Variants in CHMP2A observed in about 807,000 individuals in gnomAD.
The protein encoded by CHMP2A is VPS2 homolog A.
A neutral mutation model predicts 21.8 loss-of-function variants in CHMP2A; 6 were observed. The observed-to-expected ratio is 0.28, with a 90% CI of 0.15 to 0.54. The LOEUF (loss-of-function observed/expected upper bound fraction) is 0.54, where lower values mean the gene tolerates loss of function less well. CHMP2A is among the 20% of genes least tolerant of loss of function. The pLI is 0.95. For missense variants in CHMP2A, 303 were observed against 293.9 expected (o/e 1.03, Z -0.23); for synonymous variants, 125 against 107.0 (o/e 1.17, Z -1.04).
intron 2 of CHMP2A, 161 bp downstream of exon 2, chr19:58,553,884 T>A (rs572680231): frequency 1.6e-5 from 14 of 857,536 alleles, no homozygotes; most frequent in South Asian, 1.6e-4. Context: ...TACCAGTTCC[T>A]TGGAGGCAGC....
intron 3 of CHMP2A, 29 bp from the exon 4 acceptor site, chr19:58,552,214 C>T (rs1324777323): frequency 6.2e-7 from 1 of 1,614,036 alleles, no homozygotes; most frequent in Non-Finnish European, 8.5e-7. Context: ...TGAGTGTGAT[C>T]CCCATGGGTC....
At chr19:58,553,935 A>G in intron 2 of CHMP2A, 110 bp downstream of exon 2, 1 of 1,415,836 alleles carries the variant, frequency 7.1e-7, no homozygotes, top group Non-Finnish European at 9.8e-7. Context: ...CTGACCTTTC[A>G]CTCCACTCGT....
At chr19:58,552,498 A>G (rs1600087594) in intron 2 of CHMP2A, 60 bp from the exon 3 acceptor site, 3 of 1,529,242 alleles carry the variant, frequency 2.0e-6, no homozygotes, top group East Asian at 2.3e-5. Context: ...ACTTCTTGAC[A>G]CCCCATTAGT....
chr19:58,551,736 A>G lies in CHMP2A; in HGVS notation c.582T>C (p.Gly194=), dbSNP rs1196922151. ...AGGCTGCGGCCTCTGCTTTTTTCCC[A>G]CCAGCAGCCACACTAAGCGAGCCCC... is the stretch of plus-strand genomic sequence containing the variant. ...STGGSLSVAA[G]GKKAEAAASA... is the part of the protein sequence containing the mutation. Residue 194 remains glycine (G), a synonymous_variant, in exon 6 of 6, where the codon GGT becomes GGC. Coordinates refer to ENST00000312547, the MANE Select transcript of CHMP2A (RefSeq NM_014453.4). The G allele has an allele frequency of 6.2e-7, 1 of 1,613,662 alleles. No homozygotes were observed. The highest frequency in any genetic ancestry group is 1.1e-5 in the South Asian group (1 of 91,044).
rs1429593090 is a variant in CHMP2A, at chr19:58,551,678, C to T, written c.640G>A (p.Glu214Lys). The change falls in exon 6 of 6, where the codon GAA becomes AAA. Residue 214 changes from glutamate (E) to lysine (K), a missense_variant. Glu to Lys is a moderately conservative substitution (Grantham distance 56). Transcript: ENST00000312547. Reference protein sequence around the residue: ...ALADADADLEERLKNLRRD With the variant: ...ALADADADLEKRLKNLRRD The stretch of plus-strand genomic sequence containing the variant: ...TCCCTCCGCAGGTTCTTAAGCCGTT[C>T]CTCCAGGTCTGCATCAGCATCAGCT... 1 of 1,614,062 alleles carries T rather than the reference C, an allele frequency of 6.2e-7. No individual in the cohort carries two copies. The highest frequency in any genetic ancestry group is 8.5e-7 in the Non-Finnish European group (1 of 1,180,022).
Position 58,554,136 on chromosome 19 carries a change from A to G in CHMP2A, c.77T>C (p.Met26Thr), listed in dbSNP as rs1023876786. Residue 26 changes from methionine (M) to threonine (T), a missense_variant, in exon 2 of 6, where the codon ATG (methionine) becomes ACG (threonine). By Grantham distance (81) the Met-to-Thr change is moderately conservative. Transcript: ENST00000312547. The part of the protein sequence containing the change: ...RQNQRALNRA[M>T]RELDRERQKL... ...CTGTCGCTCGCGGTCCAGCTCCCGC[A>G]TGGCACGGTTCAGGGCCCTCTGGTT... The G allele has an allele frequency of 6.2e-7, 1 of 1,614,122 alleles. No homozygotes were observed. The highest frequency in any genetic ancestry group is 2.2e-5 in the East Asian group (1 of 44,888).
chr19:58,552,003 C>G (rs774039368), intron 4 of CHMP2A, 36 bp from the exon 5 acceptor site: 1 of 1,614,078 alleles, frequency 6.2e-7, no homozygotes, highest in Non-Finnish European at 8.5e-7. Context: ...GGGCTATGCA[C>G]TCCGTGAGGG....
chr19:58,551,601 G>T lies in CHMP2A; in HGVS notation c.*48C>A. 6.3e-7 allele frequency: 1 copy of T among 1,591,482 alleles called. No individual in the cohort carries two copies. The highest frequency in any genetic ancestry group is 8.6e-7 in the Non-Finnish European group (1 of 1,163,816). On this transcript the variant is annotated 3_prime_UTR_variant, in exon 6 of 6. Transcript: ENST00000312547. ...TCTCTTTTATTACAGAGGGGTTGTGGTAAAAGATCCTGGGCATCCACTGGT... is the reference window on the plus strand; with the variant it reads ...TCTCTTTTATTACAGAGGGGTTGTGTTAAAAGATCCTGGGCATCCACTGGT...
chr19:58,554,975 A>C lies in CHMP2A; in HGVS notation c.-25+13T>G, dbSNP rs1359653031. 6.6e-6 allele frequency: 1 copy of C among 152,258 alleles called. No homozygotes were observed. The highest frequency in any genetic ancestry group is 1.9e-4 in the East Asian group (1 of 5,186). The allele number at this position is 152,258 out of a possible 1,614,324, so 9.4% of individuals were successfully genotyped here. A position where few individuals can be genotyped will look rare whatever the true frequency, so the allele number is the denominator to read the frequency against. On this transcript the variant is annotated intron_variant, in intron 1 of 5. Coordinates refer to ENST00000312547, the MANE Select transcript of CHMP2A (RefSeq NM_014453.4). ...GCCCGCCCGGGATCCACGGTCCAGC[A>C]GGGGCCACTCACCGGAGCTGGGACG...
chr19:58,554,425 G>A lies in CHMP2A; in HGVS notation c.-24-189C>T. ...GGGGACACATAAAGGGGGACAGGTA[G>A]ACCTGAAAATTATCCAAGTGCTGGC... On this transcript the variant is annotated intron_variant, in intron 1 of 5. Coordinates refer to ENST00000312547, the MANE Select transcript of CHMP2A (RefSeq NM_014453.4). 5.4e-6 allele frequency: 3 copies of A among 558,982 alleles called. No homozygotes were observed. The South Asian group carries it at 7.5e-5, about 14-fold the overall frequency. 34.6% of individuals were successfully genotyped at this position (558,982 alleles called of 1,614,324 possible). A position where few individuals can be genotyped will look rare whatever the true frequency, so the allele number is the denominator to read the frequency against.
chr19:58,551,691 A>G lies in CHMP2A; in HGVS notation c.627T>C (p.Asp209=). 1 of 1,614,130 alleles carries G rather than the reference A, an allele frequency of 6.2e-7. No individual in the cohort carries two copies. Among genetic ancestry groups the G allele is most frequent in the Non-Finnish European group, 8.5e-7 (1 of 1,180,028 alleles). The change falls in exon 6 of 6, where the codon GAT becomes GAC. Residue 209 remains aspartate (D), a synonymous_variant. Transcript: ENST00000312547. ...EAAASALADA[D]ADLEERLKNL... ...TCTTAAGCCGTTCCTCCAGGTCTGC[A>G]TCAGCATCAGCTAGGGCTGAGGCTG...
intron 1 of CHMP2A, 101 bp from the exon 2 acceptor site, chr19:58,554,337 A>G: frequency 9.3e-7 from 1 of 1,076,446 alleles, no homozygotes; most frequent in South Asian, 1.6e-5. Flanking sequence ...GAAGGGGCTA[A>G]CGGAGACTGG....
intron 2 of CHMP2A, among the ~76,000 whole-genome samples, chr19:58,552,897 A>G (rs1161427978): frequency 6.6e-6 from 1 of 152,086 alleles, no homozygotes; most frequent in Non-Finnish European, 1.5e-5. Context: ...TTTCCTCTCC[A>G]AACATCTTTC....
intron 2 of CHMP2A, chr19:58,553,698 T>G (rs1473288175): frequency 2.1e-5 from 7 of 325,620 alleles, no homozygotes; most frequent in Non-Finnish European, 4.1e-5. Flanking sequence ...CCTTCCAACT[T>G]AGCTCCCACT....
chr19:58,552,507 G>A (rs2053844442), intron 2 of CHMP2A, 69 bp from the exon 3 acceptor site: 1 of 1,485,808 alleles, frequency 6.7e-7, no homozygotes, highest in Non-Finnish European at 9.2e-7. Context: ...CACCCCATTA[G>A]TTGGTTGTCC....
rs777196046 is a variant in CHMP2A, at chr19:58,552,217, C to T, written c.349-32G>A. 14 of 1,614,058 alleles carry T rather than the reference C, an allele frequency of 8.7e-6. No individual in the cohort carries two copies. In the East Asian group the frequency reaches 2.5e-4, roughly 28 times the overall value. On this transcript the variant is annotated intron_variant, in intron 3 of 5. Transcript: ENST00000312547. ...GTGACAGGAGTGTGAGTGTGATCCC[C>T]ATGGGTCGTGGGAGTGGGAAGGGGG...
rs2053844077 is a variant in CHMP2A at position 58,552,496 on chromosome 19, A to G, written c.169-58T>C. 7 of 1,537,750 alleles carry G rather than the reference A, an allele frequency of 4.6e-6. No homozygotes were observed. The South Asian group carries it at 4.8e-5, about 11-fold the overall frequency. Reference sequence around the variant, plus strand: ...GAATGAGATTATCCTACACTTCTTGACACCCCATTAGTTGGTTGTCCCTCC... The same window carrying G: ...GAATGAGATTATCCTACACTTCTTGGCACCCCATTAGTTGGTTGTCCCTCC... On this transcript the variant is annotated intron_variant, in intron 2 of 5. Coordinates refer to ENST00000312547, the MANE Select transcript of CHMP2A (RefSeq NM_014453.4).
At chr19:58,553,538 GTTTTT>G (rs565753399) in intron 2 of CHMP2A, among the ~76,000 whole-genome samples, 2 of 150,444 alleles carry the variant, frequency 1.3e-5, no homozygotes, top group Non-Finnish European at 3.0e-5. Flanking sequence ...TGCCTGGCTA[GTTTTT>G]TTTATTTTCA....
chr19:58,552,368 C>A lies in CHMP2A; in HGVS notation c.239G>T (p.Arg80Leu). ...RRYVRKFVLM[R>L]ANIQAVSLKI... ...GAGGGACACAGCCTGGATGTTGGCC[C>A]GCATCAATACAAACTTGCGCACATA... Residue 80 changes from arginine (R) to leucine (L), a missense_variant, in exon 3 of 6, where the codon CGG becomes CTG. Physicochemically the swap from Arg to Leu is moderately radical, Grantham distance 102 (BLOSUM62 -2). Coordinates refer to ENST00000312547, the MANE Select transcript of CHMP2A (RefSeq NM_014453.4). 1 of 1,614,188 alleles carries A rather than the reference C, an allele frequency of 6.2e-7. No homozygotes were observed. The highest frequency in any genetic ancestry group is 8.5e-7 in the Non-Finnish European group (1 of 1,180,042).
Sources: allele counts gnomAD v4.1 joint callset (sites outside exome capture counted in the v4.1 genomes callset), GRCh38; gene constraint gnomAD v4.1.1; transcripts MANE v1.5; gene names NCBI Gene and HGNC (gene_info 2026-07-23, HGNC 2026-07-21).